CDK18: variants seen among roughly 807,000 people sequenced by gnomAD.
The protein encoded by CDK18 is cyclin-dependent kinase 18.
A neutral mutation model predicts 62.0 loss-of-function variants in CDK18; 52 were observed. The observed-to-expected ratio is 0.84, with a 90% CI of 0.67 to 1.06. The LOEUF is 1.06. Ranked by LOEUF, CDK18 falls within the 50% of genes least tolerant of loss-of-function variation. The pLI, the probability that CDK18 is intolerant of heterozygous loss-of-function variation, is 0.00. For synonymous variants in CDK18, 237 were observed against 247.0 expected, an observed-to-expected ratio of 0.96 and a Z score of 0.38; for missense variants, 604 against 619.9, an observed-to-expected ratio of 0.97 and a Z score of 0.27.
In CDK18 at chr1:205,528,927, G is replaced by C; in HGVS notation, c.975-72G>C. ...CCGCCTGTGGCAGGTCGTCATTGGT[G>C]CCCTGGTGGAGCAGCCCTAGGAAGG... On this transcript the variant is annotated intron_variant, in intron 10 of 15. Transcript: ENST00000429964. The surrounding 1 kb of genome is among the most constrained non-coding windows in gnomAD (Gnocchi z 4.2). 1 of 992,950 alleles carries C rather than the reference G, an allele frequency of 1.0e-6. No individual in the cohort carries two copies. The highest frequency in any genetic ancestry group is 1.5e-6 in the Non-Finnish European group (1 of 664,844). 61.5% of individuals were successfully genotyped at this position (992,950 alleles called of 1,614,324 possible). A position where few individuals can be genotyped will look rare whatever the true frequency, so the allele number is the denominator to read the frequency against.
chr1:205,529,609 C>T, intron 13 of CDK18, 46 bp downstream of exon 13: 1 of 1,613,172 alleles, frequency 6.2e-7, no homozygotes, highest in Non-Finnish European at 8.5e-7. Flanking sequence ...GCCAAAGAGC[C>T]AGGTCCCTGT....
rs397982726 is a variant in CDK18, at chr1:205,527,484, GA to G, written c.730-294del. 62,134 of 189,750 alleles carry G rather than the reference GA, an allele frequency of 0.33. 7,185 individuals are homozygous for G. Among genetic ancestry groups the G allele is most frequent in the Admixed American group, 0.35 (5,925 of 16,892 alleles). 11.8% of individuals were successfully genotyped at this position (189,750 alleles called of 1,614,324 possible). The stretch of plus-strand genomic sequence containing the variant: ...ACAGAGTAAAACCCTGACTCTAAAA[GA>G]AAAAAAAAAAAAAAAGGGATCAAGC... On this transcript the variant is annotated intron_variant, in intron 8 of 15. Coordinates refer to ENST00000429964, the MANE Select transcript of CDK18 (RefSeq NM_212502.3). This position sits in a 1 kb window ranked among gnomAD's most constrained non-coding sequence, Gnocchi z 4.1.
At chr1:205,526,493 C>G (rs367677665) in intron 7 of CDK18, 32 bp downstream of exon 7, 9 of 1,544,514 alleles carry the variant, frequency 5.8e-6, no homozygotes, top group Middle Eastern at 1.7e-4. Flanking sequence ...GCCGCCTCTC[C>G]CTCTTGTGGT....
chr1:205,514,413 C>T (rs909344287), intron 1 of CDK18, among the ~76,000 whole-genome samples: 12 of 152,094 alleles, frequency 7.9e-5, no homozygotes, highest in African/African-American at 2.9e-4. Context: ...ACAGTCTAGG[C>T]TTACTCTAGT....
chr1:205,515,105 T>A (rs1667754445), intron 1 of CDK18, among the ~76,000 whole-genome samples: 1 of 150,750 alleles, frequency 6.6e-6, no homozygotes. Flanking sequence ...AAGACAGGGA[T>A]CCAAAAGCCT....
intron 1 of CDK18, chr1:205,522,371 C>T (rs1281123899): frequency 1.3e-5 from 2 of 152,094 alleles, no homozygotes; most frequent in African/African-American, 4.8e-5. Flanking sequence ...AGGGATCAAG[C>T]CTCATCTTCC....
intron 1 of CDK18, among the ~76,000 whole-genome samples, chr1:205,505,396 G>A (rs1667256666): frequency 6.6e-6 from 1 of 152,234 alleles, no homozygotes; most frequent in Admixed American, 6.5e-5. Flanking sequence ...CCAGTTCTGG[G>A]GGAGGCAGGG....
At chr1:205,518,745 G>A (rs144609146) in intron 1 of CDK18, among the ~76,000 whole-genome samples, 1 of 152,320 alleles carries the variant, frequency 6.6e-6, no homozygotes, top group East Asian at 1.9e-4. Context: ...CTCACTGGGG[G>A]CACAGTGGCC....
chr1:205,506,504 A>C (rs1667312293), intron 1 of CDK18, among the ~76,000 whole-genome samples: 1 of 152,204 alleles, frequency 6.6e-6, no homozygotes, highest in Non-Finnish European at 1.5e-5. Flanking sequence ...GACAAGCCTT[A>C]GTGGCCACCA....
chr1:205,528,991 C>A lies in CDK18; in HGVS notation c.975-8C>A, dbSNP rs774875965. On this transcript the variant is annotated splice_region_variant and splice_polypyrimidine_tract_variant and intron_variant, in intron 10 of 15. Coordinates refer to ENST00000429964, the MANE Select transcript of CDK18 (RefSeq NM_212502.3). This position sits in a 1 kb window ranked among gnomAD's most constrained non-coding sequence, Gnocchi z 4.2. ...CCTGATGCCGACCCTACCCCTTGCTCCTCGCAGGGGCGTGGGCTGCATCCA... is the reference window on the plus strand; with the variant it reads ...CCTGATGCCGACCCTACCCCTTGCTACTCGCAGGGGCGTGGGCTGCATCCA... 1.4e-4 allele frequency: 214 copies of A among 1,563,978 alleles called. No homozygotes were observed. The highest frequency in any genetic ancestry group is 1.8e-4 in the Non-Finnish European group (211 of 1,152,660).
At chr1:205,515,570 A>G (rs1031301211) in intron 1 of CDK18, among the ~76,000 whole-genome samples, 3 of 152,182 alleles carry the variant, frequency 2.0e-5, no homozygotes, top group Middle Eastern at 3.2e-3. Context: ...TTGGAGGCCA[A>G]GTATTATTCT....
chr1:205,525,270 G>T, intron 5 of CDK18, 75 bp downstream of exon 5: 1 of 1,082,744 alleles, frequency 9.2e-7, no homozygotes, highest in Non-Finnish European at 1.4e-6. Context: ...TCCCTAGTCG[G>T]CCCTCTCTGG....
intron 1 of CDK18, among the ~76,000 whole-genome samples, chr1:205,509,164 G>A (rs759263513): frequency 6.6e-6 from 1 of 152,106 alleles, no homozygotes; most frequent in Non-Finnish European, 1.5e-5. Flanking sequence ...AACGGGTCTT[G>A]AAGCAAAGCT....
At chr1:205,518,488 T>G (rs1389858097) in intron 1 of CDK18, among the ~76,000 whole-genome samples, 1 of 152,100 alleles carries the variant, frequency 6.6e-6, no homozygotes, top group Admixed American at 6.6e-5. Context: ...TGGCACGCAG[T>G]TCAGAGTAGG....
At chr1:205,523,439 A>G in intron 2 of CDK18, 44 bp from the exon 3 acceptor site, 1 of 1,596,946 alleles carries the variant, frequency 6.3e-7, no homozygotes, top group South Asian at 1.1e-5. Flanking sequence ...TCTCTCCCTC[A>G]GGACAGAGAG....
At chr1:205,522,800 G>A (rs1169683946) in intron 1 of CDK18, 1 of 176,370 alleles carries the variant, frequency 5.7e-6, no homozygotes, top group African/African-American at 2.4e-5. Context: ...AAAGGGCTTA[G>A]GTCTGGGGGG....
chr1:205,522,769 C>T (rs1668198490), intron 1 of CDK18: 1 of 159,462 alleles, frequency 6.3e-6, no homozygotes, highest in Non-Finnish European at 1.4e-5. Context: ...TCCCCCAGAA[C>T]TCTCTAGACC....
intron 1 of CDK18, among the ~76,000 whole-genome samples, chr1:205,520,556 C>A (rs143896890): frequency 2.6e-5 from 4 of 151,890 alleles, no homozygotes; most frequent in Non-Finnish European, 5.9e-5. Flanking sequence ...AAAAATTAGC[C>A]GGGTGTGGTG....
At chr1:205,524,727 G>A (rs1274827959) in intron 4 of CDK18, among the ~76,000 whole-genome samples, 1 of 152,198 alleles carries the variant, frequency 6.6e-6, no homozygotes, top group African/African-American at 2.4e-5. Context: ...CTCCGGCTAG[G>A]GGGTCCAGGA....
Sources: allele counts gnomAD v4.1 joint callset (sites outside exome capture counted in the v4.1 genomes callset), GRCh38; gene constraint gnomAD v4.1.1; non-coding constraint Gnocchi (gnomAD v3.1); transcripts MANE v1.5; gene names NCBI Gene and HGNC (gene_info 2026-07-23, HGNC 2026-07-21).